VAT1L: variants seen among roughly 807,000 people sequenced by gnomAD.
VAT1L encodes the protein putative NADPH-dependent quinone oxidoreductase VAT1L.
A neutral mutation model predicts 44.1 loss-of-function variants in VAT1L; 34 were observed. The ratio of observed to expected loss-of-function variants is 0.77; its 90% CI spans 0.59 to 1.03. VAT1L has a LOEUF of 1.03. Among genes scored for constraint, VAT1L ranks in the 50% least tolerant of loss-of-function variants. The pLI is 0.00. For synonymous variants in VAT1L, 253 were observed against 202.2 expected, an observed-to-expected ratio of 1.25 and a Z score of -2.13; for missense variants, 615 against 538.8, an observed-to-expected ratio of 1.14 and a Z score of -1.40.
At chr16:77,972,411 T>C (rs1429338183) in intron 8 of VAT1L, among the ~76,000 whole-genome samples, 1 of 152,130 alleles carries the variant, frequency 6.6e-6, no homozygotes, top group African/African-American at 2.4e-5. Context: ...CCCCGCCTCC[T>C]GACTGAAGTG....
chr16:77,902,584 C>T (rs906399536), intron 7 of VAT1L, among the ~76,000 whole-genome samples: 1 of 151,932 alleles, frequency 6.6e-6, no homozygotes, highest in Non-Finnish European at 1.5e-5. Flanking sequence ...CAATGTAAGA[C>T]CCTCAACAAG....
chr16:77,936,916 C>T lies in VAT1L; in HGVS notation c.1078-34934C>T, dbSNP rs577405946. ...TTTGTTTGTTTTTGAGACGGAGTCT[C>T]GCTCTGCCACCAGGCTGGAGTGCAA... On this transcript the variant is annotated intron_variant, in intron 7 of 8. Coordinates refer to ENST00000302536, the MANE Select transcript of VAT1L (RefSeq NM_020927.3). 5.9e-5 allele frequency among the ~76,000 whole-genome samples: 9 copies of T among 151,984 alleles called. No individual in the cohort carries two copies. The South Asian group carries it at 8.3e-4, about 14-fold the overall frequency.
rs1274051258 is a variant in VAT1L, at chr16:77,873,400, C to T, written c.723-2970C>T. 4.6e-5 allele frequency among the ~76,000 whole-genome samples: 7 copies of T among 152,088 alleles called. No individual in the cohort carries two copies. In the South Asian group the frequency reaches 6.2e-4, roughly 14 times the overall value. On this transcript the variant is annotated intron_variant, in intron 4 of 8. Coordinates refer to ENST00000302536, the MANE Select transcript of VAT1L (RefSeq NM_020927.3). ...AGCTCTGAAATATGAGTTTCCTTTCCGAGGAAGCACACATATAGAGACACA... is the reference window on the plus strand; with the variant it reads ...AGCTCTGAAATATGAGTTTCCTTTCTGAGGAAGCACACATATAGAGACACA...
At chr16:77,908,563 G>A (rs954330601) in intron 7 of VAT1L, among the ~76,000 whole-genome samples, 8 of 146,820 alleles carry the variant, frequency 5.4e-5, no homozygotes, top group African/African-American at 1.0e-4. Context: ...AACACTTCCC[G>A]AAGCTGCAGA....
At chr16:77,860,073 C>G (rs1430904928) in intron 3 of VAT1L, among the ~76,000 whole-genome samples, 2 of 152,098 alleles carry the variant, frequency 1.3e-5, no homozygotes, top group Non-Finnish European at 2.9e-5. Flanking sequence ...TGGAGAGACG[C>G]AGGGAGAATA....
chr16:77,859,758 G>T (rs1456941479), intron 3 of VAT1L, among the ~76,000 whole-genome samples: 1 of 152,168 alleles, frequency 6.6e-6, no homozygotes, highest in East Asian at 1.9e-4. Flanking sequence ...GTTGAGGGAG[G>T]AAGAGGAGGC....
rs189029806 is a variant in VAT1L at position 77,829,401 on chromosome 16, G to C, written c.579+3940G>C. 3.1e-3 allele frequency among the ~76,000 whole-genome samples: 470 copies of C among 152,294 alleles called. 2 individuals are homozygous for C. The highest frequency in any genetic ancestry group is 4.1e-3 in the Non-Finnish European group (281 of 68,030). ...CGAGTTTCATCAAAGGCTGAGATGG[G>C]GAATTTGCAGACAGCATGTGAGGAA... is the stretch of plus-strand genomic sequence containing the variant. On this transcript the variant is annotated intron_variant, in intron 3 of 8. Coordinates refer to ENST00000302536, the MANE Select transcript of VAT1L (RefSeq NM_020927.3).
rs565192933 is a variant in VAT1L at position 77,939,137 on chromosome 16, C to G, written c.1078-32713C>G. ...CACAGTGCACGGAAGTAACCTTCCT[C>G]TGCTAGCTAAACAGAATTCGTGACG... On this transcript the variant is annotated intron_variant, in intron 7 of 8. Coordinates refer to ENST00000302536, the MANE Select transcript of VAT1L (RefSeq NM_020927.3). 2.0e-5 allele frequency among the ~76,000 whole-genome samples: 3 copies of G among 152,328 alleles called. No individual in the cohort carries two copies. The South Asian group carries it at 6.2e-4, about 32-fold the overall frequency.
chr16:77,840,020 C>T (rs2016688473), intron 3 of VAT1L, among the ~76,000 whole-genome samples: 1 of 97,708 alleles, frequency 1.0e-5, no homozygotes, highest in Admixed American at 8.8e-5. Context: ...AATCAAGCTG[C>T]TTCATCTAAG....
At chr16:77,836,233 C>G (rs767247839) in intron 3 of VAT1L, among the ~76,000 whole-genome samples, 14 of 152,204 alleles carry the variant, frequency 9.2e-5, no homozygotes, top group South Asian at 6.2e-4. Flanking sequence ...ATTCAGTGCT[C>G]TTGACACTAT....
intron 3 of VAT1L, among the ~76,000 whole-genome samples, chr16:77,849,187 A>C (rs769003521): frequency 6.6e-6 from 1 of 152,206 alleles, no homozygotes; most frequent in Non-Finnish European, 1.5e-5. Flanking sequence ...CTTAAAGTAT[A>C]ATAACAAAAA....
chr16:77,871,873 C>T (rs1238278876), intron 4 of VAT1L, among the ~76,000 whole-genome samples: 1 of 152,172 alleles, frequency 6.6e-6, no homozygotes, highest in Non-Finnish European at 1.5e-5. Flanking sequence ...GGTGTCTCCA[C>T]CCACCCTGAA....
At chr16:77,822,164 C>T (rs950638215) in intron 2 of VAT1L, among the ~76,000 whole-genome samples, 1 of 152,054 alleles carries the variant, frequency 6.6e-6, no homozygotes, top group Non-Finnish European at 1.5e-5. Flanking sequence ...GACGGAGTTT[C>T]GCTCTTGTTG....
intron 7 of VAT1L, among the ~76,000 whole-genome samples, chr16:77,896,037 C>T (rs2017320899): frequency 6.6e-6 from 1 of 152,156 alleles, no homozygotes; most frequent in Non-Finnish European, 1.5e-5. Context: ...GTTCATCAGG[C>T]TGAGCACAGA....
intron 7 of VAT1L, among the ~76,000 whole-genome samples, chr16:77,888,486 T>C (rs531955813): frequency 6.6e-6 from 1 of 152,350 alleles, no homozygotes; most frequent in African/African-American, 2.4e-5. Context: ...AATTAATGAA[T>C]AGATGAATGA....
At chr16:77,817,871 T>C (rs1213923163) in intron 2 of VAT1L, among the ~76,000 whole-genome samples, 1 of 152,130 alleles carries the variant, frequency 6.6e-6, no homozygotes, top group African/African-American at 2.4e-5. Flanking sequence ...CTCTTACTCA[T>C]AACTAAGTGC....
At chr16:77,914,007 T>C (rs918050940) in intron 7 of VAT1L, among the ~76,000 whole-genome samples, 2 of 152,274 alleles carry the variant, frequency 1.3e-5, no homozygotes, top group South Asian at 4.2e-4. Context: ...GGTCATCTGT[T>C]CTTTTGAAAA....
intron 3 of VAT1L, among the ~76,000 whole-genome samples, chr16:77,858,675 T>G (rs1366300564): frequency 6.6e-6 from 1 of 152,100 alleles, no homozygotes; most frequent in Admixed American, 6.5e-5. Flanking sequence ...GGAGCAGACA[T>G]CTAACCTCTG....
intron 3 of VAT1L, among the ~76,000 whole-genome samples, chr16:77,836,258 T>G (rs2016637917): frequency 6.6e-6 from 1 of 152,084 alleles, no homozygotes; most frequent in South Asian, 2.1e-4. Context: ...CACAGTGGCC[T>G]CAGAAACACC....
Sources: gnomAD v4.1 joint callset for allele counts (sites outside exome capture counted in the v4.1 genomes callset) on GRCh38, gnomAD v4.1.1 for gene constraint, MANE v1.5 for transcripts, NCBI Gene and HGNC (gene_info 2026-07-23, HGNC 2026-07-21) for gene names.